Variants in MARCHF1 observed in about 807,000 individuals in gnomAD.
The protein encoded by MARCHF1 is membrane associated ring-CH-type finger 1, also known as E3 ubiquitin-protein ligase MARCHF1.
MARCHF1 carries 40 observed loss-of-function variants against 54.2 expected under a neutral mutation model. The ratio of observed to expected loss-of-function variants is 0.74; its 90% CI spans 0.57 to 0.96. The LOEUF (loss-of-function observed/expected upper bound fraction) is 0.96. Ranked by LOEUF, MARCHF1 falls within the 40% of genes least tolerant of loss-of-function variation. MARCHF1 has a pLI of 0.00. For missense variants in MARCHF1, 586 were observed against 656.5 expected (o/e 0.89, Z 1.17); for synonymous variants, 236 against 236.3 (o/e 1.00, Z 0.01).
chr4:163,903,931 G>A (rs181141738), intron 3 of MARCHF1, among the ~76,000 whole-genome samples: 1 of 152,114 alleles, frequency 6.6e-6, no homozygotes, highest in East Asian at 1.9e-4. Context: ...CTTAAATTGT[G>A]TTCTAACTGC....
chr4:163,835,726 A>C (rs980789008), intron 4 of MARCHF1, among the ~76,000 whole-genome samples: 1 of 152,208 alleles, frequency 6.6e-6, no homozygotes, highest in Admixed American at 6.5e-5. Context: ...TAATTTGGCC[A>C]AATTTTTTCT....
chr4:163,659,793 G>A (rs543063630), intron 5 of MARCHF1, among the ~76,000 whole-genome samples: 4 of 152,072 alleles, frequency 2.6e-5, no homozygotes, highest in South Asian at 2.1e-4. Flanking sequence ...ACAAACATAC[G>A]GAAAAAAGCT....
intron 2 of MARCHF1, among the ~76,000 whole-genome samples, chr4:164,069,153 T>C (rs1172200315): frequency 6.6e-6 from 1 of 152,162 alleles, no homozygotes; most frequent in Non-Finnish European, 1.5e-5. Flanking sequence ...CTAGTGGGGA[T>C]GTGGAGAACT....
At chr4:163,690,877 C>T (rs564053253) in intron 5 of MARCHF1, among the ~76,000 whole-genome samples, 1 of 152,290 alleles carries the variant, frequency 6.6e-6, no homozygotes, top group African/African-American at 2.4e-5. Context: ...ATTTTGTTCT[C>T]ATTTGGGAGC....
intron 1 of MARCHF1, among the ~76,000 whole-genome samples, chr4:164,235,325 T>C (rs1422602673): frequency 1.3e-5 from 2 of 152,104 alleles, no homozygotes; most frequent in African/African-American, 4.8e-5. Context: ...TATTAAATGT[T>C]TTCTTCACGT....
chr4:163,736,580 C>T (rs1425630866), intron 4 of MARCHF1, among the ~76,000 whole-genome samples: 6 of 151,598 alleles, frequency 4.0e-5, no homozygotes, highest in Non-Finnish European at 5.9e-5. Context: ...TATCTCTAAC[C>T]TAACTTTTTC....
intron 1 of MARCHF1, among the ~76,000 whole-genome samples, chr4:164,314,952 T>C (rs1734957783): frequency 6.6e-6 from 1 of 152,124 alleles, no homozygotes; most frequent in South Asian, 2.1e-4. Flanking sequence ...CTCTTATCTG[T>C]AATAGTGACA....
At chr4:163,615,361 A>AT (rs1442363660) in intron 5 of MARCHF1, among the ~76,000 whole-genome samples, 2 of 152,168 alleles carry the variant, frequency 1.3e-5, no homozygotes, top group African/African-American at 4.8e-5. Flanking sequence ...CCTGGAACTG[A>AT]TAAACAGATG....
At chr4:164,000,555 G>C (rs184647115) in intron 2 of MARCHF1, among the ~76,000 whole-genome samples, 3 of 151,604 alleles carry the variant, frequency 2.0e-5, no homozygotes, top group Non-Finnish European at 4.4e-5. Flanking sequence ...TACTTAAAAA[G>C]AATAAGCTGG....
At chr4:164,190,904 C>A (rs1731106699) in intron 1 of MARCHF1, among the ~76,000 whole-genome samples, 1 of 152,088 alleles carries the variant, frequency 6.6e-6, no homozygotes, top group Non-Finnish European at 1.5e-5. Flanking sequence ...ATCATGGTAC[C>A]CCTTTTTGTA....
chr4:164,073,121 T>G (rs1255075852), intron 2 of MARCHF1, among the ~76,000 whole-genome samples: 2 of 152,152 alleles, frequency 1.3e-5, no homozygotes, highest in African/African-American at 4.8e-5. Context: ...TGAAGTACAG[T>G]GACTTGTACA....
chr4:163,780,158 A>T (rs1158609599), intron 4 of MARCHF1, among the ~76,000 whole-genome samples: 1 of 152,228 alleles, frequency 6.6e-6, no homozygotes, highest in African/African-American at 2.4e-5. Context: ...GTTGTTTAAC[A>T]CTTAAGGGAA....
chr4:164,049,442 T>A (rs1006645353), intron 2 of MARCHF1, among the ~76,000 whole-genome samples: 1 of 127,044 alleles, frequency 7.9e-6, no homozygotes, highest in African/African-American at 2.7e-5. Context: ...TACTATAATC[T>A]TTTTTTTTTT....
At chr4:164,145,607 C>T (rs140908707) in intron 1 of MARCHF1, among the ~76,000 whole-genome samples, 2,310 of 152,072 alleles carry the variant, frequency 0.015, 56 homozygotes, top group African/African-American at 0.052. Context: ...AAAAGGCCTT[C>T]GACAAAATTC....
At chr4:163,601,951 A>AT (rs1022583439) in intron 7 of MARCHF1, among the ~76,000 whole-genome samples, 6 of 151,982 alleles carry the variant, frequency 3.9e-5, no homozygotes. Context: ...AGTATTATTG[A>AT]TAATACTATC....
rs1738125763 is a variant in MARCHF1, at chr4:163,526,869, T to TTTG, written c.*1876_*1878dup. ...CACACAAAATTGACATTGTTTACCT[T>TTTG]TTGTTTATTTCTAGGAATCAAGACT... On this transcript the variant is annotated 3_prime_UTR_variant, in exon 10 of 10. Transcript: ENST00000514618. The TTTG allele has an allele frequency of 6.6e-6, 1 of 151,906 alleles. No homozygotes were observed. The highest frequency in any genetic ancestry group is 6.6e-5 in the Admixed American group (1 of 15,220). 9.4% of individuals were successfully genotyped at this position (151,906 alleles called of 1,614,324 possible).
At chr4:163,829,030 C>G (rs535493588) in intron 4 of MARCHF1, 1 of 152,304 alleles carries the variant, frequency 6.6e-6, no homozygotes, top group East Asian at 1.9e-4. Flanking sequence ...GGGAAGGGCA[C>G]TTGGCCAGCC....
intron 1 of MARCHF1, among the ~76,000 whole-genome samples, chr4:164,203,172 T>C (rs980952800): frequency 2.6e-5 from 4 of 152,154 alleles, no homozygotes; most frequent in African/African-American, 9.7e-5. Flanking sequence ...AAAAATCACA[T>C]TTTAAACATT....
At chr4:163,658,629 T>C (rs185781024) in intron 5 of MARCHF1, among the ~76,000 whole-genome samples, 28 of 152,102 alleles carry the variant, frequency 1.8e-4, no homozygotes, top group African/African-American at 6.5e-4. Context: ...AAAGAGATCA[T>C]GTCCTTTGCA....
Sources: gnomAD v4.1 joint callset for allele counts (sites outside exome capture counted in the v4.1 genomes callset) on GRCh38, gnomAD v4.1.1 for gene constraint, MANE v1.5 for transcripts, NCBI Gene and HGNC (gene_info 2026-07-23, HGNC 2026-07-21) for gene names.